MX1: variants seen among roughly 807,000 people sequenced by gnomAD.
The protein encoded by MX1 is interferon-induced GTP-binding protein Mx1.
MX1 carries 66 observed loss-of-function variants against 66.4 expected under a neutral mutation model. The ratio of observed to expected loss-of-function variants is 0.99; its 90% CI spans 0.82 to 1.22. MX1 has a LOEUF of 1.22. Among genes scored for constraint, MX1 ranks in the 50% most tolerant of loss-of-function variants. MX1 has a pLI of 0.00. For missense variants in MX1, 787 were observed against 834.3 expected (o/e 0.94, Z 0.70); for synonymous variants, 311 against 318.1 (o/e 0.98, Z 0.24).
chr21:41,452,647 A>G lies in MX1; in HGVS notation c.1536A>G (p.Glu512=). 3 of 1,614,120 alleles carry G rather than the reference A, an allele frequency of 1.9e-6. No homozygotes were observed. Among genetic ancestry groups the G allele is most frequent in the Non-Finnish European group, 2.5e-6 (3 of 1,180,024 alleles). Residue 512 remains glutamate, a synonymous_variant, in exon 16 of 17, where the codon GAA becomes GAG. Coordinates refer to ENST00000398598, the MANE Select transcript of MX1 (RefSeq NM_002462.5). ...AKSKIEDIRA[E]QEREGEKLIR... ...CCAAAATTGAAGACATTAGAGCAGA[A>G]CAAGAGAGAGAAGGTGAGAAGCTGA...
intron 13 of MX1, among the ~76,000 whole-genome samples, 189 bp from the exon 14 acceptor site, chr21:41,448,948 G>GCC (rs780435513): frequency 0.18 from 11,347 of 62,510 alleles, 478 homozygotes; most frequent in African/African-American, 0.31. Context: ...GTGTGTGTGT[G>GCC]TGTGTGTGTG....
At position 41,451,187 on chromosome 21, in the gene MX1, A is replaced by G. The variant is rs1233266026; in HGVS notation, c.1453A>G (p.Thr485Ala). Residue 485 changes from threonine (T) to alanine (A), a missense_variant, in exon 15 of 17, where the codon ACA (threonine) becomes GCA (alanine). Physicochemically the swap from Thr to Ala is moderately conservative, Grantham distance 58. Transcript: ENST00000398598. Reference protein sequence around the residue: ...TVTDMVRLAFTDVSIKNFEEF... With the variant: ...TVTDMVRLAFADVSIKNFEEF... ...ATTAGATATGGTCCGGCTTGCTTTC[A>G]CAGATGTTTCGATAAAAAATTTTGA... 1.2e-6 allele frequency: 2 copies of G among 1,612,434 alleles called. No homozygotes were observed. Among genetic ancestry groups the G allele is most frequent in the Non-Finnish European group, 8.5e-7 (1 of 1,178,838 alleles).
chr21:41,458,505 C>T (rs748922796), intron 16 of MX1, 23 bp from the exon 17 acceptor site: 14 of 1,377,570 alleles, frequency 1.0e-5, no homozygotes, highest in South Asian at 8.0e-5. Context: ...TCCACCCTCC[C>T]GTGAACTGTT....
intron 5 of MX1, among the ~76,000 whole-genome samples, chr21:41,435,246 A>G (rs1239527346): frequency 2.0e-5 from 3 of 151,998 alleles, no homozygotes; most frequent in Admixed American, 2.0e-4. Flanking sequence ...GATGATGTTT[A>G]TGTTTGCTGT....
rs1464615913 is a variant in MX1 at position 41,441,514 on chromosome 21, G to A, written c.731-202G>A. On this transcript the variant is annotated intron_variant, in intron 9 of 16. Coordinates refer to ENST00000398598, the MANE Select transcript of MX1 (RefSeq NM_002462.5). This position sits in a 1 kb window ranked among gnomAD's most constrained non-coding sequence, Gnocchi z 4.0. ...GGGAGAGCCACATGCTGTTCTGGGA[G>A]GCATCCCTGCCTTCACGCGGCTTGT... 1.7e-6 allele frequency: 1 copy of A among 605,126 alleles called. No homozygotes were observed. The highest frequency in any genetic ancestry group is 1.9e-5 in the South Asian group (1 of 51,758). The allele number at this position is 605,126 out of a possible 1,614,324, so 37.5% of individuals were successfully genotyped here. A position where few individuals can be genotyped will look rare whatever the true frequency, so the allele number is the denominator to read the frequency against.
Position 41,449,304 on chromosome 21 carries a change from T to C in MX1, c.1432+9T>C. 4 of 1,606,018 alleles carry C rather than the reference T, an allele frequency of 2.5e-6. No individual in the cohort carries two copies. The highest frequency in any genetic ancestry group is 2.2e-5 in the East Asian group (1 of 44,694). ...GCTACACACCGTGACGGGTGAGTGC[T>C]CAGTTTCACCTCTGAGCATTGATTT... is the stretch of plus-strand genomic sequence containing the variant. On this transcript the variant is annotated intron_variant, in intron 14 of 16. Coordinates refer to ENST00000398598, the MANE Select transcript of MX1 (RefSeq NM_002462.5).
At chr21:41,430,975 T>C (rs2090194259) in intron 4 of MX1, among the ~76,000 whole-genome samples, 1 of 152,244 alleles carries the variant, frequency 6.6e-6, no homozygotes, top group East Asian at 1.9e-4. Context: ...TTCTCTTGGC[T>C]ACATTGGAAA....
chr21:41,446,533 C>T (rs138455979), intron 13 of MX1, among the ~76,000 whole-genome samples: 307 of 152,080 alleles, frequency 2.0e-3, no homozygotes, highest in Admixed American at 4.0e-3. Flanking sequence ...AGCATTAGGC[C>T]TAAAAAATAT....
chr21:41,434,427 G>A (rs187746113), intron 5 of MX1, among the ~76,000 whole-genome samples: 1 of 152,112 alleles, frequency 6.6e-6, no homozygotes, highest in African/African-American at 2.4e-5. Flanking sequence ...AGAATATTTA[G>A]ATCATTTCTA....
intron 5 of MX1, among the ~76,000 whole-genome samples, chr21:41,435,626 C>T (rs1266100143): frequency 1.3e-5 from 2 of 152,122 alleles, no homozygotes; most frequent in Non-Finnish European, 2.9e-5. Flanking sequence ...ACTTATAAAA[C>T]CATCAGACCT....
chr21:41,456,760 G>T (rs2090969686), intron 16 of MX1, among the ~76,000 whole-genome samples: 1 of 149,502 alleles, frequency 6.7e-6, no homozygotes, highest in Non-Finnish European at 1.5e-5. Context: ...GGTTTTTTTT[G>T]TTTGTTTGGT....
chr21:41,455,203 C>A (rs994690553), intron 16 of MX1, among the ~76,000 whole-genome samples: 2 of 152,186 alleles, frequency 1.3e-5, no homozygotes, highest in South Asian at 4.1e-4. Context: ...AGCCACCATG[C>A]CTGGCCTCTG....
chr21:41,447,732 CT>C lies in MX1; in HGVS notation c.1274-1395del, dbSNP rs539762353. Among the ~76,000 whole-genome samples, 520 of 150,184 alleles carry C rather than the reference CT, an allele frequency of 3.5e-3. 4 individuals carry two copies. The highest frequency in any genetic ancestry group is 5.8e-3 in the Non-Finnish European group (388 of 67,408). On this transcript the variant is annotated intron_variant, in intron 13 of 16. Coordinates refer to ENST00000398598, the MANE Select transcript of MX1 (RefSeq NM_002462.5). ...ATACTAAAATTCACTCACCCATACACTTTTTTTTTTCTTTTTCTTTGGAGAC... is the reference window on the plus strand; with the variant it reads ...ATACTAAAATTCACTCACCCATACACTTTTTTTTTCTTTTTCTTTGGAGAC...
intron 13 of MX1, among the ~76,000 whole-genome samples, chr21:41,448,722 C>G (rs146439692): frequency 6.6e-6 from 1 of 152,052 alleles, no homozygotes; most frequent in African/African-American, 2.4e-5. Context: ...AGAAGAATGG[C>G]GTGAACCCGG....
chr21:41,441,581 G>C lies in MX1; in HGVS notation c.731-135G>C. On this transcript the variant is annotated intron_variant, in intron 9 of 16. Transcript: ENST00000398598. The surrounding 1 kb of genome is among the most constrained non-coding windows in gnomAD (Gnocchi z 4.0). ...GGAGCGGGGCTCCACTGCCCCCATG[G>C]TTCTGCAGGGGCTATGGCCTGTCCT... is the stretch of plus-strand genomic sequence containing the variant. 1 of 894,118 alleles carries C rather than the reference G, an allele frequency of 1.1e-6. No homozygotes were observed. The highest frequency in any genetic ancestry group is 1.9e-5 in the Admixed American group (1 of 52,846). The allele number at this position is 894,118 out of a possible 1,614,324, so 55.4% of individuals were successfully genotyped here. A position where few individuals can be genotyped will look rare whatever the true frequency, so the allele number is the denominator to read the frequency against.
intron 16 of MX1, among the ~76,000 whole-genome samples, chr21:41,454,245 C>T (rs764951089): frequency 1.3e-5 from 2 of 152,132 alleles, no homozygotes; most frequent in Admixed American, 6.5e-5. Context: ...ATACCAGAGT[C>T]GGGTTGGAAA....
intron 11 of MX1, among the ~76,000 whole-genome samples, chr21:41,444,492 A>C (rs1215651972): frequency 1.3e-5 from 2 of 151,410 alleles, no homozygotes; most frequent in Admixed American, 6.6e-5. Context: ...ATGCCTGGCT[A>C]ATTTTTGTAT....
Position 41,441,099 on chromosome 21 carries a change from CCCACCTGTGCTCGG to C in MX1, c.730+75_730+88del. ...CCTGTGCTCGGTGAGAATGGGGGAGCCCACCTGTGCTCGGTGAGAATGGGGGAGCCCGCCTGTGC... is the reference window on the plus strand; with the variant it reads ...CCTGTGCTCGGTGAGAATGGGGGAGCTGAGAATGGGGGAGCCCGCCTGTGC... On this transcript the variant is annotated intron_variant, in intron 9 of 16. Coordinates refer to ENST00000398598, the MANE Select transcript of MX1 (RefSeq NM_002462.5). The surrounding 1 kb of genome is among the most constrained non-coding windows in gnomAD (Gnocchi z 4.0). 1 of 1,320,814 alleles carries C rather than the reference CCCACCTGTGCTCGG, an allele frequency of 7.6e-7. No individual in the cohort carries two copies. Among genetic ancestry groups the C allele is most frequent in the Non-Finnish European group, 1.0e-6 (1 of 987,068 alleles). The allele number at this position is 1,320,814 out of a possible 1,614,324, so 81.8% of individuals were successfully genotyped here.
At chr21:41,420,851 C>A (rs948082526) in intron 1 of MX1, 1 of 152,284 alleles carries the variant, frequency 6.6e-6, no homozygotes, top group Non-Finnish European at 1.5e-5. Context: ...CGCCCAGGAG[C>A]CTGTGGTGTC....
Sources: gnomAD v4.1 joint callset for allele counts (sites outside exome capture counted in the v4.1 genomes callset) on GRCh38, gnomAD v4.1.1 for gene constraint, Gnocchi (gnomAD v3.1) non-coding constraint, MANE v1.5 for transcripts, NCBI Gene and HGNC (gene_info 2026-07-23, HGNC 2026-07-21) for gene names.